The following BICRAL variants were observed in gnomAD, a reference collection of about 807,000 sequenced individuals.
BICRAL encodes BICRA like chromatin remodeling complex associated protein.
A neutral mutation model predicts 91.8 loss-of-function variants in BICRAL; 8 were observed. The observed-to-expected ratio is 0.09, with a 90% confidence interval of 0.05 to 0.16. BICRAL has a LOEUF of 0.16. Ranked by LOEUF, BICRAL falls within the 10% of genes least tolerant of loss-of-function variation. The pLI, the probability that BICRAL is intolerant of heterozygous loss-of-function variation, is 1.00. For missense variants in BICRAL, 1,038 were observed against 1,310.9 expected (o/e 0.79, Z 3.21); for synonymous variants, 445 against 491.1 (o/e 0.91, Z 1.24).
intron 2 of BICRAL, among the ~76,000 whole-genome samples, chr6:42,819,047 T>G (rs1054218250): frequency 1.3e-5 from 2 of 152,140 alleles, no homozygotes; most frequent in African/African-American, 4.8e-5. Context: ...TCATGTCTGT[T>G]GGGCCAAGAA....
intron 6 of BICRAL, among the ~76,000 whole-genome samples, chr6:42,831,745 CTT>C (rs34966748): frequency 6.9e-6 from 1 of 144,728 alleles, no homozygotes; most frequent in Non-Finnish European, 1.5e-5. Flanking sequence ...ATTTCAAAAT[CTT>C]TTTTTTTTTT....
chr6:42,751,960 C>A (rs1312064197), intron 1 of BICRAL, among the ~76,000 whole-genome samples: 2 of 152,108 alleles, frequency 1.3e-5, no homozygotes, highest in African/African-American at 4.8e-5. Context: ...CCCGGCCAAG[C>A]CCCTTTTTCT....
chr6:42,837,279 A>T (rs1455350580), intron 6 of BICRAL, among the ~76,000 whole-genome samples: 1 of 152,076 alleles, frequency 6.6e-6, no homozygotes, highest in Non-Finnish European at 1.5e-5. Context: ...AAATTACTTT[A>T]TAGAATGTTG....
chr6:42,750,959 C>T (rs968735724), intron 1 of BICRAL, among the ~76,000 whole-genome samples: 14 of 123,798 alleles, frequency 1.1e-4, no homozygotes, highest in African/African-American at 3.4e-4. Context: ...TTTGTTACAT[C>T]GGTATACATG....
In BICRAL at chr6:42,833,343, C is replaced by T. The variant is rs147786705; in HGVS notation, c.1839+3171C>T. Among the ~76,000 whole-genome samples, 1,062 of 152,178 alleles carry T rather than the reference C, an allele frequency of 7.0e-3. 5 individuals are homozygous for T. Among genetic ancestry groups the T allele is most frequent in the African/African-American group, 0.022 (931 of 41,538 alleles). The stretch of plus-strand genomic sequence containing the variant: ...GATTACAGGCGTGAGCCACCGCGCC[C>T]GGCCCAGGCTAGACTCTTGAGCTCA... On this transcript the variant is annotated intron_variant, in intron 6 of 12. Transcript: ENST00000314073.
Position 42,757,146 on chromosome 6 carries a change from G to A in BICRAL, c.-261+10123G>A, listed in dbSNP as rs181212048. Among the ~76,000 whole-genome samples, 440 of 152,134 alleles carry A rather than the reference G, an allele frequency of 2.9e-3. 1 individual carries two copies. The highest frequency in any genetic ancestry group is 4.0e-3 in the Non-Finnish European group (274 of 67,992). The stretch of plus-strand genomic sequence containing the variant: ...GATTCAAGGGAAGGAGAAATGGACT[G>A]CTTTTTTTGATGGATGGAGCAAGAG... On this transcript the variant is annotated intron_variant, in intron 1 of 14. Transcript: ENST00000614467.
At chr6:42,811,847 C>T (rs748798913) in intron 2 of BICRAL, among the ~76,000 whole-genome samples, 17 of 152,088 alleles carry the variant, frequency 1.1e-4, no homozygotes, top group Non-Finnish European at 2.1e-4. Context: ...GTGCAAAAAC[C>T]CTTGTAATTC....
At chr6:42,831,874 G>C (rs1407974846) in intron 6 of BICRAL, among the ~76,000 whole-genome samples, 2 of 151,816 alleles carry the variant, frequency 1.3e-5, no homozygotes, top group Admixed American at 6.6e-5. Context: ...AAGTAGCCGG[G>C]AACACAGGTG....
At chr6:42,790,330 AT>A (rs70990136) in intron 1 of BICRAL, among the ~76,000 whole-genome samples, 19,869 of 88,708 alleles carry the variant, frequency 0.22, 1,094 homozygotes, top group African/African-American at 0.32. Flanking sequence ...AGATAATTTA[AT>A]TTTTTTTTTT....
At chr6:42,842,878 G>A (rs931976362) in intron 6 of BICRAL, among the ~76,000 whole-genome samples, 2 of 149,882 alleles carry the variant, frequency 1.3e-5, no homozygotes, top group Non-Finnish European at 3.0e-5. Flanking sequence ...TTTTTAGATG[G>A]AGTCTTGCTC....
intron 9 of BICRAL, 150 bp from the exon 10 acceptor site, chr6:42,856,941 T>C: frequency 1.6e-6 from 1 of 626,044 alleles, no homozygotes; most frequent in Non-Finnish European, 2.7e-6. Context: ...TTAAACTAAG[T>C]TATAAACCCA....
At chr6:42,797,385 A>C (rs570619749) in intron 1 of BICRAL, among the ~76,000 whole-genome samples, 1 of 152,282 alleles carries the variant, frequency 6.6e-6, no homozygotes, top group South Asian at 2.1e-4. Context: ...ATTTTCTTTT[A>C]TACGTTAAAA....
chr6:42,783,803 C>T (rs998950860), intron 1 of BICRAL, among the ~76,000 whole-genome samples: 6 of 152,202 alleles, frequency 3.9e-5, no homozygotes, highest in African/African-American at 4.8e-5. Context: ...CCCCGCACCC[C>T]CACTCCTCCC....
At chr6:42,767,827 G>T (rs1762656453) in intron 1 of BICRAL, among the ~76,000 whole-genome samples, 1 of 152,222 alleles carries the variant, frequency 6.6e-6, no homozygotes, top group Admixed American at 6.5e-5. Context: ...GGCAGGGGAG[G>T]TGTCCATAGG....
chr6:42,769,685 C>G (rs1762691038), intron 1 of BICRAL, among the ~76,000 whole-genome samples: 1 of 152,160 alleles, frequency 6.6e-6, no homozygotes, highest in Non-Finnish European at 1.5e-5. Context: ...CCTCTGCCCA[C>G]CGACCTTCCA....
chr6:42,804,754 T>C (rs1054041822), intron 1 of BICRAL, among the ~76,000 whole-genome samples: 3 of 152,198 alleles, frequency 2.0e-5, no homozygotes, highest in Non-Finnish European at 4.4e-5. Flanking sequence ...TTCAGTTCTC[T>C]GATGCCAAAA....
chr6:42,859,734 T>C (rs1329728320), intron 10 of BICRAL, among the ~76,000 whole-genome samples: 1 of 152,110 alleles, frequency 6.6e-6, no homozygotes, highest in African/African-American at 2.4e-5. Context: ...CTCCGCCTTC[T>C]GGGTTCACGC....
intron 6 of BICRAL, among the ~76,000 whole-genome samples, chr6:42,850,492 C>A (rs1314166262): frequency 6.6e-6 from 1 of 151,636 alleles, no homozygotes; most frequent in Non-Finnish European, 1.5e-5. Flanking sequence ...TGCAGGCCAG[C>A]CTGGGCAACG....
chr6:42,829,013 C>T lies in BICRAL; in HGVS notation c.680C>T (p.Thr227Ile). The T allele has an allele frequency of 6.2e-7, 1 of 1,613,220 alleles. No individual in the cohort carries two copies. Among genetic ancestry groups the T allele is most frequent in the Non-Finnish European group, 8.5e-7 (1 of 1,179,204 alleles). ...GSFGNHPSMM[T>I]INNLDGSQII... Reference sequence around the variant, plus strand: ...TTTGGTAATCATCCTTCCATGATGACTATTAATAACCTAGATGGATCTCAA... The same window carrying T: ...TTTGGTAATCATCCTTCCATGATGATTATTAATAACCTAGATGGATCTCAA... Residue 227 changes from threonine (T) to isoleucine (I), a missense_variant, in exon 6 of 13, where the codon ACT (threonine) becomes ATT (isoleucine). By Grantham distance (89) the Thr-to-Ile change is moderately conservative. Coordinates refer to ENST00000314073, the MANE Select transcript of BICRAL (RefSeq NM_001393499.1).
Sources: allele counts gnomAD v4.1 joint callset (sites outside exome capture counted in the v4.1 genomes callset), GRCh38; gene constraint gnomAD v4.1.1; transcripts MANE v1.5; gene names NCBI Gene and HGNC (gene_info 2026-07-23, HGNC 2026-07-21).